Variants in CCSER1 observed in about 807,000 individuals in gnomAD.
CCSER1 encodes the protein coiled-coil serine rich protein 1.
A neutral mutation model predicts 82.0 loss-of-function variants in CCSER1; 41 were observed. The observed-to-expected ratio is 0.50, with a 90% confidence interval of 0.39 to 0.65. The LOEUF (loss-of-function observed/expected upper bound fraction) is 0.65, where lower values mean the gene tolerates loss of function less well. Among genes scored for constraint, CCSER1 ranks in the 30% least tolerant of loss-of-function variants. CCSER1 has a pLI of 0.00. For missense variants in CCSER1, 1,119 were observed against 1,064.2 expected (o/e 1.05, Z -0.72); for synonymous variants, 414 against 383.9 (o/e 1.08, Z -0.92).
At chr4:90,397,476 T>C (rs1231862880) in intron 3 of CCSER1, among the ~76,000 whole-genome samples, 3 of 152,226 alleles carry the variant, frequency 2.0e-5, no homozygotes, top group Admixed American at 6.5e-5. Flanking sequence ...GAAAACATCA[T>C]GTATGCCTCT....
intron 8 of CCSER1, among the ~76,000 whole-genome samples, chr4:90,919,482 T>G (rs972661683): frequency 6.6e-6 from 1 of 151,960 alleles, no homozygotes. Context: ...TATATATTAC[T>G]TGATACAGTG....
intron 8 of CCSER1, among the ~76,000 whole-genome samples, chr4:90,873,924 A>C (rs1283410589): frequency 6.6e-6 from 1 of 152,124 alleles, no homozygotes; most frequent in Admixed American, 6.6e-5. Flanking sequence ...TGATTTAATA[A>C]CTGTCTTTAA....
At chr4:91,569,075 G>A (rs1028422150) in intron 10 of CCSER1, among the ~76,000 whole-genome samples, 2 of 152,176 alleles carry the variant, frequency 1.3e-5, no homozygotes, top group Non-Finnish European at 2.9e-5. Flanking sequence ...ATTTGAAGCT[G>A]TCTTCTTGTC....
chr4:91,544,962 C>T (rs55759944), intron 10 of CCSER1, among the ~76,000 whole-genome samples: 15,390 of 152,022 alleles, frequency 0.1, 848 homozygotes, highest in South Asian at 0.2. Flanking sequence ...CCATCCAGTT[C>T]GAGCTTCCTA....
chr4:91,285,628 A>T (rs1743223200), intron 10 of CCSER1, among the ~76,000 whole-genome samples: 1 of 151,854 alleles, frequency 6.6e-6, no homozygotes, highest in Non-Finnish European at 1.5e-5. Flanking sequence ...TTAAGTTGCA[A>T]TATTTACCAA....
chr4:91,044,391 G>A (rs1742255268), intron 9 of CCSER1, among the ~76,000 whole-genome samples: 1 of 152,034 alleles, frequency 6.6e-6, no homozygotes, highest in Non-Finnish European at 1.5e-5. Flanking sequence ...CAGATTTTTG[G>A]CTTTGCAGCG....
At chr4:91,427,767 G>A (rs1455141254) in intron 10 of CCSER1, among the ~76,000 whole-genome samples, 1 of 152,048 alleles carries the variant, frequency 6.6e-6, no homozygotes, top group Non-Finnish European at 1.5e-5. Context: ...AATTGCAAAT[G>A]ACTGTTTGTC....
At chr4:91,256,910 AG>A (rs1296829196) in intron 10 of CCSER1, among the ~76,000 whole-genome samples, 14 of 152,188 alleles carry the variant, frequency 9.2e-5, no homozygotes, top group Non-Finnish European at 1.9e-4. Flanking sequence ...GGGTTAAACA[AG>A]CTCCCTTCTG....
chr4:91,252,567 C>A (rs565435120), intron 10 of CCSER1, among the ~76,000 whole-genome samples: 1 of 152,034 alleles, frequency 6.6e-6, no homozygotes, highest in Non-Finnish European at 1.5e-5. Flanking sequence ...TGCAGCTCCA[C>A]GTTTTATTTC....
chr4:90,595,332 A>C (rs915523594), intron 5 of CCSER1, among the ~76,000 whole-genome samples: 2 of 151,988 alleles, frequency 1.3e-5, no homozygotes, highest in African/African-American at 4.8e-5. Context: ...ACTAATAAGA[A>C]CGTTTAGTGT....
At chr4:91,148,322 A>T (rs2148945682) in intron 10 of CCSER1, among the ~76,000 whole-genome samples, 1 of 152,224 alleles carries the variant, frequency 6.6e-6, no homozygotes, top group East Asian at 1.9e-4. Context: ...TTGAGCTCTT[A>T]AGATATACCA....
chr4:90,157,316 T>G (rs979581386), intron 1 of CCSER1, among the ~76,000 whole-genome samples: 4 of 152,214 alleles, frequency 2.6e-5, no homozygotes, highest in African/African-American at 9.7e-5. Flanking sequence ...ATTTTTTCCT[T>G]CATTTCAACT....
intron 10 of CCSER1, among the ~76,000 whole-genome samples, chr4:91,228,814 C>T (rs900702158): frequency 6.6e-5 from 10 of 151,958 alleles, no homozygotes; most frequent in African/African-American, 1.7e-4. Flanking sequence ...CCAGAACATA[C>T]GAGGAAGGCT....
chr4:91,107,539 A>G (rs988576822), intron 10 of CCSER1, among the ~76,000 whole-genome samples: 13 of 152,050 alleles, frequency 8.5e-5, no homozygotes, highest in South Asian at 6.2e-4. Flanking sequence ...ACAGGCATCA[A>G]TGCATTTCTT....
chr4:91,077,973 C>A (rs1418456981), intron 9 of CCSER1, among the ~76,000 whole-genome samples: 1 of 152,366 alleles, frequency 6.6e-6, no homozygotes, highest in Middle Eastern at 3.4e-3. Context: ...CCCACCACAG[C>A]TCAAGGAGGC....
intron 10 of CCSER1, among the ~76,000 whole-genome samples, chr4:91,565,589 AT>A (rs1762851721): frequency 6.6e-6 from 1 of 151,368 alleles, no homozygotes; most frequent in African/African-American, 2.4e-5. Flanking sequence ...GCAGTTTTTT[AT>A]TATTTCATTG....
At chr4:90,151,022 C>G (rs776352169) in intron 1 of CCSER1, among the ~76,000 whole-genome samples, 14 of 151,966 alleles carry the variant, frequency 9.2e-5, no homozygotes, top group Non-Finnish European at 1.8e-4. Flanking sequence ...GTTCCACAAC[C>G]CTGCTCTGGC....
intron 5 of CCSER1, among the ~76,000 whole-genome samples, chr4:90,526,129 G>A (rs1773726957): frequency 6.6e-6 from 1 of 152,068 alleles, no homozygotes; most frequent in Non-Finnish European, 1.5e-5. Context: ...GAAGGTATAT[G>A]TAATATAATT....
chr4:90,335,018 G>A (rs1436185638), intron 3 of CCSER1, among the ~76,000 whole-genome samples: 1 of 152,134 alleles, frequency 6.6e-6, no homozygotes, highest in Non-Finnish European at 1.5e-5. Flanking sequence ...TTATGTGTAG[G>A]CAGTGGATGT....
Sources: allele counts gnomAD v4.1 joint callset (sites outside exome capture counted in the v4.1 genomes callset), GRCh38; gene constraint gnomAD v4.1.1; transcripts MANE v1.5; gene names NCBI Gene and HGNC (gene_info 2026-07-23, HGNC 2026-07-21).